Variants in ZNF892 observed in about 807,000 individuals in gnomAD.
ZNF892 encodes the protein zinc finger protein 892.
the ZNF892 span, among the ~76,000 whole-genome samples, chr2:95,249,317 T>C: frequency 7.6e-6 from 1 of 131,772 alleles, no homozygotes; most frequent in East Asian, 2.5e-4. Context: ...CTCGGCTCAC[T>C]GCAACCTCTG....
chr2:95,252,263 G>A, the ZNF892 span, among the ~76,000 whole-genome samples: 2 of 130,098 alleles, frequency 1.5e-5, no homozygotes, highest in Admixed American at 1.9e-4. Context: ...AGGCCCCAGT[G>A]TGTGATGTTC....
chr2:95,214,458 T>A, the ZNF892 span: 3 of 398,408 alleles, frequency 7.5e-6, no homozygotes, highest in Non-Finnish European at 1.3e-5. Flanking sequence ...ATGTGAGGAT[T>A]CTTTAGAGAG....
the ZNF892 span, among the ~76,000 whole-genome samples, chr2:95,236,567 TACC>T: frequency 6.6e-6 from 1 of 152,244 alleles, no homozygotes; most frequent in Non-Finnish European, 1.5e-5. Context: ...TGGAAATTTT[TACC>T]ACATTCAGTG....
chr2:95,247,508 G>C, the ZNF892 span, among the ~76,000 whole-genome samples: 19 of 152,252 alleles, frequency 1.2e-4, 1 homozygote, highest in East Asian at 3.7e-3. Flanking sequence ...CTTGACAAGT[G>C]GGACCTAATT....
the ZNF892 span, chr2:95,207,810 G>A: frequency 5.6e-4 from 225 of 398,728 alleles, no homozygotes; most frequent in South Asian, 7.1e-3. Flanking sequence ...GGAGGAAGGA[G>A]TCTCCATGGA....
At chr2:95,232,923 C>T in the ZNF892 span, among the ~76,000 whole-genome samples, 3 of 111,340 alleles carry the variant, frequency 2.7e-5, no homozygotes, top group Non-Finnish European at 3.8e-5. Flanking sequence ...TACAGGTTTG[C>T]GAGCTGAATG....
chr2:95,251,985 G>A, the ZNF892 span, among the ~76,000 whole-genome samples: 1 of 152,194 alleles, frequency 6.6e-6, no homozygotes, highest in Admixed American at 6.5e-5. Context: ...ATTTGGAAAG[G>A]AAGGGACAAG....
chr2:95,243,765 A>AG, the ZNF892 span, among the ~76,000 whole-genome samples: 1 of 150,980 alleles, frequency 6.6e-6, no homozygotes, highest in Non-Finnish European at 1.5e-5. Flanking sequence ...CCGGGAGGTG[A>AG]GGGGCGCCTC....
the ZNF892 span, among the ~76,000 whole-genome samples, chr2:95,216,621 A>G: frequency 6.6e-6 from 1 of 152,168 alleles, no homozygotes; most frequent in South Asian, 2.1e-4. Flanking sequence ...GCATCTTTTT[A>G]TATTTTTTTC....
the ZNF892 span, among the ~76,000 whole-genome samples, chr2:95,224,354 GC>G: frequency 6.6e-6 from 1 of 152,148 alleles, no homozygotes; most frequent in African/African-American, 2.4e-5. Flanking sequence ...AGGTGTATTA[GC>G]CCATTTTCAC....
the ZNF892 span, among the ~76,000 whole-genome samples, chr2:95,216,991 G>C: frequency 2.6e-5 from 4 of 152,122 alleles, no homozygotes; most frequent in East Asian, 1.9e-4. Flanking sequence ...GACTGACTGA[G>C]TGGCTCAAAA....
the ZNF892 span, among the ~76,000 whole-genome samples, chr2:95,249,637 T>C: frequency 6.6e-6 from 1 of 152,118 alleles, no homozygotes; most frequent in Non-Finnish European, 1.5e-5. Flanking sequence ...ATTAACATCC[T>C]GTAGTATACC....
chr2:95,258,153 C>T, the ZNF892 span, among the ~76,000 whole-genome samples: 77 of 152,194 alleles, frequency 5.1e-4, no homozygotes, highest in Non-Finnish European at 9.6e-4. Context: ...CCATCTTCTG[C>T]GTCGCTCACG....
chr2:95,244,330 A>G, the ZNF892 span, among the ~76,000 whole-genome samples: 1 of 149,970 alleles, frequency 6.7e-6, no homozygotes, highest in Non-Finnish European at 1.5e-5. Flanking sequence ...ACACCCAAGA[A>G]TGATCAATTA....
At chr2:95,206,443 C>CT in the ZNF892 span, among the ~76,000 whole-genome samples, 1 of 152,108 alleles carries the variant, frequency 6.6e-6, no homozygotes, top group South Asian at 2.1e-4. Context: ...AGTTGATTAA[C>CT]TTTTATATCT....
chr2:95,249,143 A>G, the ZNF892 span, among the ~76,000 whole-genome samples: 1 of 142,182 alleles, frequency 7.0e-6, no homozygotes, highest in Admixed American at 7.2e-5. Flanking sequence ...CAGGGTTTTT[A>G]CCCTTCACCC....
At chr2:95,214,539 T>C in the ZNF892 span, 1 of 398,622 alleles carries the variant, frequency 2.5e-6, no homozygotes, top group South Asian at 1.3e-4. Context: ...GGAGAGAAGC[T>C]ACCAATCTGA....
the ZNF892 span, among the ~76,000 whole-genome samples, chr2:95,210,986 A>G: frequency 6.6e-6 from 1 of 152,088 alleles, no homozygotes; most frequent in African/African-American, 2.4e-5. Context: ...GGAATAGGAC[A>G]CACACTTCAA....
At chr2:95,235,226 G>C in the ZNF892 span, among the ~76,000 whole-genome samples, 1 of 152,214 alleles carries the variant, frequency 6.6e-6, no homozygotes, top group Non-Finnish European at 1.5e-5. Context: ...AGTTCAGAAG[G>C]CATCCAGTCA....
Sources: gnomAD v4.1 joint callset for allele counts (sites outside exome capture counted in the v4.1 genomes callset) on GRCh38, gnomAD v4.1.1 for gene constraint, MANE v1.5 for transcripts, NCBI Gene and HGNC (gene_info 2026-07-23, HGNC 2026-07-21) for gene names.